The following RGS6 variants were observed in gnomAD, a reference collection of about 807,000 sequenced individuals.
RGS6 encodes regulator of G-protein signaling 6.
A neutral mutation model predicts 78.5 loss-of-function variants in RGS6; 30 were observed. The ratio of observed to expected loss-of-function variants is 0.38; its 90% CI spans 0.29 to 0.52. RGS6 has a LOEUF of 0.52. Among genes scored for constraint, RGS6 ranks in the 20% least tolerant of loss-of-function variants. The probability of loss-of-function intolerance (pLI) is 0.85; values close to 1 mark genes in which losing one functional copy is unlikely to be tolerated. For synonymous variants in RGS6, 206 were observed against 206.0 expected, an observed-to-expected ratio of 1.00 and a Z score of 0.00; for missense variants, 495 against 609.7, an observed-to-expected ratio of 0.81 and a Z score of 1.98.
intron 2 of RGS6, among the ~76,000 whole-genome samples, chr14:72,254,253 A>G (rs1420200652): frequency 1.3e-5 from 2 of 152,196 alleles, no homozygotes; most frequent in Non-Finnish European, 2.9e-5. Flanking sequence ...AAAATTGGAT[A>G]ATGCTGCACA....
chr14:72,542,859 A>G (rs564115314), intron 17 of RGS6, among the ~76,000 whole-genome samples: 181 of 152,340 alleles, frequency 1.2e-3, no homozygotes, highest in African/African-American at 4.3e-3. Context: ...TTATCTGTTA[A>G]GACCACATAT....
intron 2 of RGS6, among the ~76,000 whole-genome samples, chr14:72,238,601 T>C (rs181780153): frequency 6.6e-6 from 1 of 152,290 alleles, no homozygotes; most frequent in Non-Finnish European, 1.5e-5. Context: ...CATCTTGTTT[T>C]CTCAGTGTGT....
At chr14:72,573,497 T>G in the RGS6 span, among the ~76,000 whole-genome samples, 1 of 152,212 alleles carries the variant, frequency 6.6e-6, no homozygotes, top group African/African-American at 2.4e-5. Flanking sequence ...CAAGTAATTC[T>G]AGATGATTCT....
intron 3 of RGS6, among the ~76,000 whole-genome samples, chr14:72,388,522 A>G (rs2088981794): frequency 6.6e-6 from 1 of 152,098 alleles, no homozygotes; most frequent in Admixed American, 6.5e-5. Context: ...TCAGAGTTGC[A>G]TCTCAGTTGG....
the RGS6 span, among the ~76,000 whole-genome samples, chr14:71,885,315 G>A: frequency 6.6e-5 from 10 of 152,308 alleles, no homozygotes; most frequent in African/African-American, 2.2e-4. Flanking sequence ...CATCGACATA[G>A]CCAAGTTAAA....
intron 15 of RGS6, among the ~76,000 whole-genome samples, chr14:72,522,019 A>G (rs185590211): frequency 1.2e-4 from 19 of 152,242 alleles, no homozygotes; most frequent in Non-Finnish European, 2.6e-4. Context: ...ATTTTGGTGT[A>G]TTTTCTTCCT....
Position 72,550,689 on chromosome 14 carries a change from A to C in RGS6, c.1422+10595A>C, listed in dbSNP as rs555965150. The C allele has an allele frequency of 4.8e-5, 70 of 1,448,824 alleles. No homozygotes were observed. In the African/African-American group the frequency reaches 8.2e-4, roughly 17 times the overall value. The allele number at this position is 1,448,824 out of a possible 1,614,324, so 89.7% of individuals were successfully genotyped here. A position where few individuals can be genotyped will look rare whatever the true frequency, so the allele number is the denominator to read the frequency against. On this transcript the variant is annotated intron_variant, in intron 17 of 17. Transcript: ENST00000553525. The stretch of plus-strand genomic sequence containing the variant: ...AGTCAATCAATCACTAGCCTTTGTG[A>C]GTCATCACAATCCGGTGGTTTTACA...
chr14:72,187,249 G>C (rs2097260181), intron 2 of RGS6, among the ~76,000 whole-genome samples: 1 of 152,226 alleles, frequency 6.6e-6, no homozygotes, highest in African/African-American at 2.4e-5. Context: ...AATATGTCTT[G>C]AATAAGTTGA....
chr14:72,057,313 GAAAAA>G (rs71109718), intron 2 of RGS6, among the ~76,000 whole-genome samples: 11,881 of 54,574 alleles, frequency 0.22, 520 homozygotes, highest in Admixed American at 0.26. Context: ...GACTCTATCT[GAAAAA>G]AAAAAAAAAA....
chr14:72,571,449 AG>A (rs1185848049), downstream of RGS6, among the ~76,000 whole-genome samples: 1 of 152,246 alleles, frequency 6.6e-6, no homozygotes, highest in East Asian at 1.9e-4. Flanking sequence ...TAATCAAGAC[AG>A]GACAGTACTG....
chr14:72,018,206 A>G (rs77132688), intron 2 of RGS6, among the ~76,000 whole-genome samples: 4 of 90,992 alleles, frequency 4.4e-5, no homozygotes, highest in African/African-American at 4.4e-5. Flanking sequence ...TTGTTTTGTT[A>G]TTAAAAAAAA....
chr14:72,280,146 C>T (rs1352768969), intron 2 of RGS6, among the ~76,000 whole-genome samples: 1 of 151,876 alleles, frequency 6.6e-6, no homozygotes, highest in Non-Finnish European at 1.5e-5. Flanking sequence ...AAGGTATTTA[C>T]CTGGGTTTTC....
chr14:72,138,465 T>G (rs1271093751), intron 2 of RGS6, among the ~76,000 whole-genome samples: 1 of 150,352 alleles, frequency 6.7e-6, no homozygotes, highest in Non-Finnish European at 1.5e-5. Context: ...TTTTTTTTTT[T>G]TTTTTTTTTA....
chr14:72,075,016 G>A (rs1950336698), intron 2 of RGS6, among the ~76,000 whole-genome samples: 1 of 152,114 alleles, frequency 6.6e-6, no homozygotes, highest in South Asian at 2.1e-4. Flanking sequence ...GGATCTTTTT[G>A]TAATGCAAAT....
At chr14:72,319,350 ATT>A (rs755289519) in intron 2 of RGS6, among the ~76,000 whole-genome samples, 13 of 142,214 alleles carry the variant, frequency 9.1e-5, no homozygotes, top group Non-Finnish European at 1.1e-4. Flanking sequence ...GAAGGGGGAA[ATT>A]TTTTTTTTTT....
chr14:72,612,953 G>A, the RGS6 span, among the ~76,000 whole-genome samples: 2 of 151,308 alleles, frequency 1.3e-5, no homozygotes, highest in Non-Finnish European at 2.9e-5. Flanking sequence ...CTCTTGTCCT[G>A]GAGCAACATC....
intron 2 of RGS6, among the ~76,000 whole-genome samples, chr14:72,070,094 T>TTTA (rs2094350286): frequency 6.6e-6 from 1 of 152,128 alleles, no homozygotes; most frequent in South Asian, 2.1e-4. Context: ...TTTTTGTTAG[T>TTTA]GTATCTGATT....
chr14:72,281,722 C>A (rs1237389148), intron 2 of RGS6, among the ~76,000 whole-genome samples: 1 of 152,118 alleles, frequency 6.6e-6, no homozygotes, highest in Non-Finnish European at 1.5e-5. Context: ...AAGGAACACA[C>A]AAGCAAAGGC....
At chr14:72,461,789 C>G (rs1187719139) in intron 6 of RGS6, among the ~76,000 whole-genome samples, 2 of 152,130 alleles carry the variant, frequency 1.3e-5, no homozygotes, top group East Asian at 3.8e-4. Context: ...ACAATGAGCC[C>G]CCAGGATCAA....
Sources: gnomAD v4.1 joint callset for allele counts (sites outside exome capture counted in the v4.1 genomes callset) on GRCh38, gnomAD v4.1.1 for gene constraint, MANE v1.5 for transcripts, NCBI Gene and HGNC (gene_info 2026-07-23, HGNC 2026-07-21) for gene names.